The following MIPOL1 variants were observed in gnomAD, a reference collection of about 807,000 sequenced individuals.
MIPOL1 encodes mirror-image polydactyly 1.
A neutral mutation model predicts 60.9 loss-of-function variants in MIPOL1; 57 were observed. The ratio of observed to expected loss-of-function variants is 0.94; its 90% confidence interval spans 0.76 to 1.17. The LOEUF (loss-of-function observed/expected upper bound fraction) is 1.17. Ranked by LOEUF, MIPOL1 falls within the 50% of genes most tolerant of loss-of-function variation. The probability of loss-of-function intolerance (pLI) is 0.00; values close to 1 mark genes in which losing one functional copy is unlikely to be tolerated. For synonymous variants in MIPOL1, 179 were observed against 168.8 expected, an observed-to-expected ratio of 1.06 and a Z score of -0.47; for missense variants, 551 against 511.6, an observed-to-expected ratio of 1.08 and a Z score of -0.74.
In MIPOL1 at chr14:37,202,359, G is replaced by A. The variant is rs368720738; in HGVS notation, c.-199+4255G>A. On this transcript the variant is annotated intron_variant, in intron 1 of 12. Transcript: ENST00000684589. ...TAAGCTTTTCTCATATAGAAATTCT[G>A]GATCCAGTACATACTGCATTTCATT... 3.0e-3 allele frequency among the ~76,000 whole-genome samples: 458 copies of A among 151,254 alleles called. 3 individuals carry two copies. Among genetic ancestry groups the A allele is most frequent in the African/African-American group, 0.011 (434 of 40,952 alleles).
chr14:37,390,365 CTTATATA>C (rs904138687), intron 10 of MIPOL1, among the ~76,000 whole-genome samples: 6 of 152,002 alleles, frequency 3.9e-5, no homozygotes, highest in Non-Finnish European at 7.4e-5. Context: ...TGGAATGTCA[CTTATATA>C]TTATATACAA....
At chr14:37,455,690 T>A (rs978181163) in intron 11 of MIPOL1, among the ~76,000 whole-genome samples, 3 of 152,112 alleles carry the variant, frequency 2.0e-5, no homozygotes, top group African/African-American at 7.2e-5. Flanking sequence ...GCTCCCAAAT[T>A]CGATTATTAT....
At chr14:37,445,707 A>C (rs1250707032) in intron 11 of MIPOL1, among the ~76,000 whole-genome samples, 1 of 151,694 alleles carries the variant, frequency 6.6e-6, no homozygotes, top group East Asian at 1.9e-4. Context: ...ACAGCATGGT[A>C]CTGGTACCAA....
chr14:37,532,957 C>CA (rs1422370749), intron 12 of MIPOL1, among the ~76,000 whole-genome samples: 2 of 151,770 alleles, frequency 1.3e-5, no homozygotes, highest in South Asian at 2.1e-4. Flanking sequence ...CTATAAAATA[C>CA]AAAAAAAGTG....
At chr14:37,478,694 T>C (rs2094815317) in intron 11 of MIPOL1, among the ~76,000 whole-genome samples, 1 of 151,996 alleles carries the variant, frequency 6.6e-6, no homozygotes, top group Non-Finnish European at 1.5e-5. Flanking sequence ...TAAGGACACA[T>C]AGACTGAAAG....
intron 1 of MIPOL1, among the ~76,000 whole-genome samples, chr14:37,225,600 C>A (rs767485453): frequency 3.3e-5 from 5 of 152,080 alleles, no homozygotes; most frequent in Non-Finnish European, 7.4e-5. Context: ...CAGCACAGGA[C>A]CCCTGTGGCT....
At chr14:37,349,465 G>T (rs944018353) in intron 9 of MIPOL1, among the ~76,000 whole-genome samples, 1 of 152,074 alleles carries the variant, frequency 6.6e-6, no homozygotes, top group African/African-American at 2.4e-5. Context: ...CCTCCCGCTT[G>T]CTTACTTCAT....
intron 11 of MIPOL1, among the ~76,000 whole-genome samples, chr14:37,460,286 A>T (rs1211410353): frequency 1.3e-5 from 2 of 152,116 alleles, no homozygotes; most frequent in African/African-American, 4.8e-5. Flanking sequence ...TCAATAGGTG[A>T]AGAAAAAGCA....
At chr14:37,334,144 A>T (rs1018021668) in intron 9 of MIPOL1, among the ~76,000 whole-genome samples, 1 of 152,084 alleles carries the variant, frequency 6.6e-6, no homozygotes, top group African/African-American at 2.4e-5. Context: ...ACACAGCTTC[A>T]TGCTAATACA....
chr14:37,350,276 G>C (rs1473671329), intron 9 of MIPOL1, among the ~76,000 whole-genome samples: 1 of 152,000 alleles, frequency 6.6e-6, no homozygotes, highest in Non-Finnish European at 1.5e-5. Flanking sequence ...GTGGTGTCTT[G>C]GAAGGTTCCC....
chr14:37,202,590 C>G (rs923359736), intron 1 of MIPOL1, among the ~76,000 whole-genome samples: 1 of 152,184 alleles, frequency 6.6e-6, no homozygotes, highest in African/African-American at 2.4e-5. Context: ...AGTCCCCTCC[C>G]TCCAGGGCTT....
chr14:37,434,046 C>T (rs1192775416), intron 11 of MIPOL1, among the ~76,000 whole-genome samples: 1 of 152,006 alleles, frequency 6.6e-6, no homozygotes, highest in African/African-American at 2.4e-5. Context: ...GGGTATATAC[C>T]CAGTAATGGG....
chr14:37,476,412 T>C (rs746923650), intron 11 of MIPOL1, among the ~76,000 whole-genome samples: 42 of 152,304 alleles, frequency 2.8e-4, no homozygotes, highest in Middle Eastern at 3.4e-3. Flanking sequence ...TTCCCAATCT[T>C]TATACCTTTC....
At chr14:37,499,870 CA>C in intron 11 of MIPOL1, 37 bp from the exon 12 acceptor site, 1 of 1,144,116 alleles carries the variant, frequency 8.7e-7, no homozygotes, top group Non-Finnish European at 1.2e-6. Flanking sequence ...ACTCAGTTTA[CA>C]TTACTTATCT....
chr14:37,474,119 A>AATATTCC (rs2153592162), intron 11 of MIPOL1, among the ~76,000 whole-genome samples: 1 of 152,334 alleles, frequency 6.6e-6, no homozygotes, highest in South Asian at 2.1e-4. Flanking sequence ...ATCATTAAAA[A>AATATTCC]ATATTCCATT....
chr14:37,265,524 A>T (rs904099737), intron 3 of MIPOL1, among the ~76,000 whole-genome samples: 1 of 152,216 alleles, frequency 6.6e-6, no homozygotes, highest in African/African-American at 2.4e-5. Context: ...TAGAAGAGTC[A>T]AACTTTTTAT....
intron 10 of MIPOL1, among the ~76,000 whole-genome samples, chr14:37,395,140 C>T (rs551021936): frequency 1.3e-5 from 2 of 152,106 alleles, no homozygotes; most frequent in African/African-American, 2.4e-5. Flanking sequence ...ATACCAGTAC[C>T]ATGCTGTTTT....
intron 7 of MIPOL1, among the ~76,000 whole-genome samples, chr14:37,287,692 T>G (rs1454116567): frequency 6.6e-6 from 1 of 152,224 alleles, no homozygotes; most frequent in East Asian, 1.9e-4. Flanking sequence ...CAATAAGCTA[T>G]ATTAATTTTC....
chr14:37,321,880 TATCCTTTTCC>T (rs1470620051), intron 9 of MIPOL1, among the ~76,000 whole-genome samples: 3 of 151,990 alleles, frequency 2.0e-5, no homozygotes, highest in South Asian at 4.1e-4. Context: ...CTGAATGTTA[TATCCTTTTCC>T]ATCCTTTTCC....
Sources: allele counts gnomAD v4.1 joint callset (sites outside exome capture counted in the v4.1 genomes callset), GRCh38; gene constraint gnomAD v4.1.1; transcripts MANE v1.5; gene names NCBI Gene and HGNC (gene_info 2026-07-23, HGNC 2026-07-21).